The following UBE2G2 variants were observed in gnomAD, a reference collection of about 807,000 sequenced individuals.
UBE2G2 encodes ubiquitin conjugating enzyme E2 G2.
UBE2G2 carries 10 observed loss-of-function variants against 23.0 expected under a neutral mutation model. The observed-to-expected ratio is 0.43, with a 90% CI of 0.27 to 0.74. The LOEUF (loss-of-function observed/expected upper bound fraction) is 0.74, where lower values mean the gene tolerates loss of function less well. Among genes scored for constraint, UBE2G2 ranks in the 30% least tolerant of loss-of-function variants. The pLI is 0.19. For synonymous variants in UBE2G2, 86 were observed against 81.3 expected, an observed-to-expected ratio of 1.06 and a Z score of -0.31; for missense variants, 150 against 218.3, an observed-to-expected ratio of 0.69 and a Z score of 1.97.
rs1428465081 is a variant in UBE2G2, at chr21:44,777,503, T to TA, written c.126-87dup. ...TTGACAAATGGGTTAAGAACATTTT[T>TA]ACCACTTTAAAAATGCACGTGAGGC... On this transcript the variant is annotated intron_variant, in intron 3 of 5. Coordinates refer to ENST00000345496, the MANE Select transcript of UBE2G2 (RefSeq NM_003343.6). The TA allele has an allele frequency of 2.8e-6, 4 of 1,423,238 alleles. No homozygotes were observed. In the African/African-American group the frequency reaches 5.7e-5, roughly 20 times the overall value. The allele number at this position is 1,423,238 out of a possible 1,614,324, so 88.2% of individuals were successfully genotyped here. A position where few individuals can be genotyped will look rare whatever the true frequency, so the allele number is the denominator to read the frequency against.
chr21:44,790,494 T>A (rs1179079652), intron 1 of UBE2G2, among the ~76,000 whole-genome samples: 2 of 152,172 alleles, frequency 1.3e-5, no homozygotes, highest in Non-Finnish European at 2.9e-5. Flanking sequence ...TCTCCAGGTG[T>A]TGAGGGAGGA....
intron 1 of UBE2G2, among the ~76,000 whole-genome samples, chr21:44,794,707 TG>T (rs1441469262): frequency 6.6e-6 from 1 of 151,866 alleles, no homozygotes; most frequent in Admixed American, 6.6e-5. Context: ...GCTAATTTTT[TG>T]TATTTTTAGT....
At chr21:44,800,337 C>A (rs1156920152) in intron 1 of UBE2G2, 2 of 151,924 alleles carry the variant, frequency 1.3e-5, no homozygotes, top group South Asian at 4.1e-4. Flanking sequence ...TGTGTATCTG[C>A]GGCTGCATAT....
rs1294112768 is a variant in UBE2G2 at position 44,772,559 on chromosome 21, C to A, written c.385+988G>T. ...TGTCACCCTCCGTCCTACTCCATCA[C>A]CTACTGCCTCATCCAGAAATGACCC... On this transcript the variant is annotated intron_variant, in intron 5 of 5. Coordinates refer to ENST00000345496, the MANE Select transcript of UBE2G2 (RefSeq NM_003343.6). The surrounding 1 kb of genome is among the most constrained non-coding windows in gnomAD (Gnocchi z 5.4). Among the ~76,000 whole-genome samples, 1 of 152,154 alleles carries A rather than the reference C, an allele frequency of 6.6e-6. No individual in the cohort carries two copies. The highest frequency in any genetic ancestry group is 2.4e-5 in the African/African-American group (1 of 41,420).
chr21:44,788,107 A>G lies in UBE2G2; in HGVS notation c.44-12T>C, dbSNP rs782515110. The G allele has an allele frequency of 5.6e-6, 9 of 1,596,928 alleles. No homozygotes were observed. The highest frequency in any genetic ancestry group is 1.4e-5 in the African/African-American group (1 of 73,724). ...ATTCAGTGTTAATTCTATAAAATTA[A>G]TAAGTAAAACCATTACCAAACAGAA... is the stretch of plus-strand genomic sequence containing the variant. On this transcript the variant is annotated splice_polypyrimidine_tract_variant and intron_variant, in intron 1 of 5. Coordinates refer to ENST00000345496, the MANE Select transcript of UBE2G2 (RefSeq NM_003343.6).
intron 4 of UBE2G2, chr21:44,775,328 A>G (rs235360): frequency 0.77 from 116,917 of 152,198 alleles, 45,364 homozygotes; most frequent in African/African-American, 0.88. Context: ...GTGACTTTGC[A>G]TTTTGTTTGT....
Position 44,771,781 on chromosome 21 carries a change from G to A in UBE2G2, c.386-292C>T, listed in dbSNP as rs1041636647. 3.3e-5 allele frequency among the ~76,000 whole-genome samples: 5 copies of A among 152,138 alleles called. No homozygotes were observed. Among genetic ancestry groups the A allele is most frequent in the African/African-American group, 9.7e-5 (4 of 41,420 alleles). On this transcript the variant is annotated intron_variant, in intron 5 of 5. Transcript: ENST00000345496. This position sits in a 1 kb window ranked among gnomAD's most constrained non-coding sequence, Gnocchi z 4.6. ...CAACCACCTAAGCACAGGCCCACAC[G>A]GCCTCCCACAGCAGCCTCCTGGGCC... is the stretch of plus-strand genomic sequence containing the variant.
At chr21:44,787,408 A>G (rs1468147797) in intron 3 of UBE2G2, among the ~76,000 whole-genome samples, 1 of 152,242 alleles carries the variant, frequency 6.6e-6, no homozygotes, top group Non-Finnish European at 1.5e-5. Context: ...AGTCCAGACA[A>G]GGCAACAGAA....
chr21:44,794,422 A>C lies in UBE2G2; in HGVS notation c.44-6327T>G, dbSNP rs116907864. 2.0e-4 allele frequency among the ~76,000 whole-genome samples: 30 copies of C among 152,362 alleles called. No individual in the cohort carries two copies. In the East Asian group the frequency reaches 5.8e-3, roughly 29 times the overall value. Reference sequence around the variant, plus strand: ...CATCTAGAAGAAATCATAGGAGAAAATCCTACTGCCACCTGATGTTTGGCA... The same window carrying C: ...CATCTAGAAGAAATCATAGGAGAAACTCCTACTGCCACCTGATGTTTGGCA... On this transcript the variant is annotated intron_variant, in intron 1 of 5. Transcript: ENST00000345496.
rs2082852820 is a variant in UBE2G2 at position 44,769,310 on chromosome 21, A to G, written c.*2067T>C. ...GGCTCCATCTCATTTGCCTGCAAAT[A>G]CAACATAGGTATAATACCGCTCCTT... is the stretch of plus-strand genomic sequence containing the variant. On this transcript the variant is annotated 3_prime_UTR_variant, in exon 6 of 6. Coordinates refer to ENST00000345496, the MANE Select transcript of UBE2G2 (RefSeq NM_003343.6). 6.6e-6 allele frequency: 1 copy of G among 152,010 alleles called. No homozygotes were observed. Among genetic ancestry groups the G allele is most frequent in the Admixed American group, 6.5e-5 (1 of 15,270 alleles). 9.4% of individuals were successfully genotyped at this position (152,010 alleles called of 1,614,324 possible).
At chr21:44,793,719 A>G (rs2083063440) in intron 1 of UBE2G2, among the ~76,000 whole-genome samples, 1 of 152,246 alleles carries the variant, frequency 6.6e-6, no homozygotes, top group Admixed American at 6.5e-5. Flanking sequence ...GCCACTTAAA[A>G]TAGTGGCTTA....
In UBE2G2 at chr21:44,786,427, G is replaced by C. The variant is rs564010969; in HGVS notation, c.125+1493C>G. On this transcript the variant is annotated intron_variant, in intron 3 of 5. Transcript: ENST00000345496. ...AGACACCGAAAAAACATGTGCCATA[G>C]GCCCAAGCAATTAGGATATTACAAA... Among the ~76,000 whole-genome samples the C allele has an allele frequency of 3.3e-5, 5 of 152,206 alleles. No homozygotes were observed. In the East Asian group the frequency reaches 9.7e-4, roughly 29 times the overall value.
intron 3 of UBE2G2, among the ~76,000 whole-genome samples, chr21:44,786,541 C>T (rs1045889796): frequency 1.3e-5 from 2 of 152,180 alleles, no homozygotes; most frequent in African/African-American, 4.8e-5. Context: ...TACTAATTTT[C>T]ATATCAATTT....
chr21:44,796,433 T>C (rs1242015336), intron 1 of UBE2G2, among the ~76,000 whole-genome samples: 2 of 152,174 alleles, frequency 1.3e-5, no homozygotes, highest in African/African-American at 2.4e-5. Flanking sequence ...TATGTAGAGA[T>C]TGATTCTGTC....
chr21:44,800,781 C>T (rs189899293), intron 1 of UBE2G2: 284 of 152,292 alleles, frequency 1.9e-3, no homozygotes, highest in African/African-American at 6.4e-3. Flanking sequence ...ATTCTTTTAG[C>T]TTAACTTTCT....
At chr21:44,791,873 T>C (rs2083047880) in intron 1 of UBE2G2, among the ~76,000 whole-genome samples, 1 of 152,102 alleles carries the variant, frequency 6.6e-6, no homozygotes, top group Non-Finnish European at 1.5e-5. Context: ...GTGGGAGGGC[T>C]GTACCCTACA....
chr21:44,783,083 C>T (rs1017613943), intron 3 of UBE2G2, among the ~76,000 whole-genome samples: 3 of 152,142 alleles, frequency 2.0e-5, no homozygotes, highest in Non-Finnish European at 4.4e-5. Flanking sequence ...GTTCCATCAA[C>T]AAGAAAACAA....
intron 1 of UBE2G2, among the ~76,000 whole-genome samples, chr21:44,791,496 T>A (rs1202735781): frequency 6.6e-6 from 1 of 152,164 alleles, no homozygotes; most frequent in African/African-American, 2.4e-5. Flanking sequence ...CTTCAGAGAG[T>A]ACAAACCCCA....
chr21:44,796,518 CA>C (rs201137723), intron 1 of UBE2G2, among the ~76,000 whole-genome samples: 36 of 151,478 alleles, frequency 2.4e-4, no homozygotes, highest in African/African-American at 8.5e-4. Flanking sequence ...GATACACACA[CA>C]AAAAAAACCA....
Sources: allele counts gnomAD v4.1 joint callset (sites outside exome capture counted in the v4.1 genomes callset), GRCh38; gene constraint gnomAD v4.1.1; non-coding constraint Gnocchi (gnomAD v3.1); transcripts MANE v1.5; gene names NCBI Gene and HGNC (gene_info 2026-07-23, HGNC 2026-07-21).